Variants in ROBO2 observed in about 807,000 individuals in gnomAD.
ROBO2 encodes the protein roundabout guidance receptor 2.
Under a neutral mutation model 160.8 loss-of-function variants are expected in ROBO2, and 53 were observed. The ratio of observed to expected loss-of-function variants is 0.33; its 90% CI spans 0.26 to 0.41. The LOEUF (loss-of-function observed/expected upper bound fraction) is 0.41. Ranked by LOEUF, ROBO2 falls within the 10% of genes least tolerant of loss-of-function variation. ROBO2 has a pLI of 1.00. For synonymous variants in ROBO2, 664 were observed against 611.7 expected, an observed-to-expected ratio of 1.09 and a Z score of -1.26; for missense variants, 1,577 against 1,722.4, an observed-to-expected ratio of 0.92 and a Z score of 1.49.
At chr3:77,065,997 C>T (rs2149800322) in intron 1 of ROBO2, among the ~76,000 whole-genome samples, 1 of 152,214 alleles carries the variant, frequency 6.6e-6, no homozygotes, top group African/African-American at 2.4e-5. Flanking sequence ...TTTCTTACTA[C>T]AAAGGAAAAT....
At chr3:76,860,686 C>T (rs2070676413) in intron 2 of ROBO2, among the ~76,000 whole-genome samples, 1 of 152,048 alleles carries the variant, frequency 6.6e-6, no homozygotes. Flanking sequence ...TTTCCATTTT[C>T]CTCCTACATT....
At chr3:76,014,942 T>C (rs2066362839) in intron 2 of ROBO2, among the ~76,000 whole-genome samples, 1 of 151,976 alleles carries the variant, frequency 6.6e-6, no homozygotes, top group Non-Finnish European at 1.5e-5. Context: ...AATAAATAAA[T>C]AAAGACATAC....
chr3:76,114,265 A>G (rs1178880310), intron 2 of ROBO2, among the ~76,000 whole-genome samples: 1 of 152,114 alleles, frequency 6.6e-6, no homozygotes, highest in Non-Finnish European at 1.5e-5. Flanking sequence ...TTGGAGCCCA[A>G]GTACTCTGTG....
At chr3:76,735,776 GAAAAAAAAAA>G (rs1560468090) in intron 2 of ROBO2, among the ~76,000 whole-genome samples, 3 of 17,004 alleles carry the variant, frequency 1.8e-4, no homozygotes, top group East Asian at 1.3e-3. Context: ...AAAAAAAAAA[GAAAAAAAAAA>G]GGGGAAAGGG....
intron 2 of ROBO2, among the ~76,000 whole-genome samples, chr3:76,188,680 T>C (rs1701871339): frequency 6.6e-6 from 1 of 152,114 alleles, no homozygotes; most frequent in Admixed American, 6.6e-5. Flanking sequence ...TGTTTTAGAT[T>C]ACCTTTTATG....
chr3:77,258,507 C>T (rs905196697), intron 2 of ROBO2, among the ~76,000 whole-genome samples: 3 of 151,862 alleles, frequency 2.0e-5, no homozygotes, highest in African/African-American at 7.3e-5. Flanking sequence ...CCTGTAATCC[C>T]AGCTGCTCAG....
chr3:76,495,205 T>C (rs938527045), intron 2 of ROBO2, among the ~76,000 whole-genome samples: 1 of 138,784 alleles, frequency 7.2e-6, no homozygotes, highest in African/African-American at 2.8e-5. Context: ...TGTATTTATC[T>C]TCATTTCCTT....
At chr3:76,896,168 T>C (rs904641036) in intron 2 of ROBO2, among the ~76,000 whole-genome samples, 5 of 152,226 alleles carry the variant, frequency 3.3e-5, no homozygotes, top group Non-Finnish European at 7.3e-5. Context: ...ATTATTAATG[T>C]ACACATTATA....
intron 2 of ROBO2, among the ~76,000 whole-genome samples, chr3:76,776,146 G>T (rs1056032640): frequency 2.7e-5 from 4 of 150,738 alleles, no homozygotes; most frequent in Non-Finnish European, 4.5e-5. Flanking sequence ...CAAAGCAATG[G>T]ATCATCTCCC....
At chr3:77,270,791 A>T (rs917786848) in intron 2 of ROBO2, among the ~76,000 whole-genome samples, 1 of 152,146 alleles carries the variant, frequency 6.6e-6, no homozygotes, top group Non-Finnish European at 1.5e-5. Flanking sequence ...AAAAACACAA[A>T]AAGTAGCTGT....
intron 2 of ROBO2, among the ~76,000 whole-genome samples, chr3:76,656,668 T>C (rs186937746): frequency 7.1e-4 from 108 of 152,272 alleles, no homozygotes; most frequent in Middle Eastern, 3.4e-3. Context: ...CGCAAGAAAC[T>C]GACTAAAGCT....
rs150220025 is a variant in ROBO2, at chr3:77,134,803, A to G, written c.388+36463A>G. 1.5e-4 allele frequency among the ~76,000 whole-genome samples: 23 copies of G among 152,354 alleles called. 1 individual carries two copies. The East Asian group carries it at 3.9e-3, about 26-fold the overall frequency. On this transcript the variant is annotated intron_variant, in intron 2 of 25. Transcript: ENST00000461745. ...GGCCACTGCTAATTTCCCTCCCTAC[A>G]TAATCAAATCAGTACAGCTATCCAG...
intron 2 of ROBO2, among the ~76,000 whole-genome samples, chr3:76,105,239 C>G (rs1034258477): frequency 3.3e-5 from 5 of 151,758 alleles, no homozygotes; most frequent in Non-Finnish European, 7.4e-5. Context: ...TATAAATCCC[C>G]CTATCACCCA....
At chr3:76,018,353 A>G (rs1193562724) in intron 2 of ROBO2, among the ~76,000 whole-genome samples, 6 of 151,990 alleles carry the variant, frequency 3.9e-5, no homozygotes, top group Non-Finnish European at 7.4e-5. Flanking sequence ...TTGAGAGTAG[A>G]TTAGACACAC....
intron 2 of ROBO2, among the ~76,000 whole-genome samples, chr3:76,906,467 C>T (rs2075610234): frequency 6.6e-6 from 1 of 151,596 alleles, no homozygotes; most frequent in African/African-American, 2.4e-5. Context: ...TTATACATAA[C>T]TGACAATTAA....
chr3:76,269,811 C>T (rs1474483831), intron 2 of ROBO2, among the ~76,000 whole-genome samples: 1 of 151,888 alleles, frequency 6.6e-6, no homozygotes, highest in Non-Finnish European at 1.5e-5. Context: ...CAATACTTAC[C>T]TGCAAGTCCT....
intron 1 of ROBO2, among the ~76,000 whole-genome samples, chr3:77,071,491 G>A (rs541042791): frequency 6.6e-5 from 10 of 152,240 alleles, no homozygotes; most frequent in African/African-American, 1.9e-4. Context: ...TTCCCCATTC[G>A]CAAAACTCAT....
chr3:76,627,579 C>G (rs2089738064), intron 2 of ROBO2, among the ~76,000 whole-genome samples: 1 of 152,236 alleles, frequency 6.6e-6, no homozygotes, highest in Admixed American at 6.5e-5. Context: ...ACTGTTAATA[C>G]ATAGCTAAGA....
chr3:77,315,476 A>G (rs1341238008), intron 2 of ROBO2, among the ~76,000 whole-genome samples: 1 of 152,148 alleles, frequency 6.6e-6, no homozygotes, highest in Admixed American at 6.6e-5. Context: ...TCTCTCCTTA[A>G]CTTTGAGACA....
Sources: allele counts gnomAD v4.1 joint callset (sites outside exome capture counted in the v4.1 genomes callset), GRCh38; gene constraint gnomAD v4.1.1; transcripts MANE v1.5; gene names NCBI Gene and HGNC (gene_info 2026-07-23, HGNC 2026-07-21).